The following PSKH1 variants were observed in gnomAD, a reference collection of about 807,000 sequenced individuals.
The protein encoded by PSKH1 is serine/threonine-protein kinase H1.
In PSKH1, 12 loss-of-function variants were observed where a neutral mutation model predicts 26.7. The ratio of observed to expected loss-of-function variants is 0.45; its 90% CI spans 0.29 to 0.73. PSKH1 has a LOEUF of 0.73. PSKH1 is among the 30% of genes least tolerant of loss of function. The pLI is 0.11. For missense variants in PSKH1, 431 were observed against 595.2 expected (o/e 0.72, Z 2.87); for synonymous variants, 213 against 234.3 (o/e 0.91, Z 0.83).
chr16:67,913,233 G>A (rs1020706481), intron 2 of PSKH1, among the ~76,000 whole-genome samples: 23 of 151,702 alleles, frequency 1.5e-4, no homozygotes, highest in African/African-American at 5.1e-4. Context: ...TGCAGCTTCC[G>A]CCTCTCAGGT....
At chr16:67,893,885 CTAGTCCCCCACACT>C (rs2058119070) in intron 1 of PSKH1, among the ~76,000 whole-genome samples, 1 of 152,190 alleles carries the variant, frequency 6.6e-6, no homozygotes, top group African/African-American at 2.4e-5. Flanking sequence ...AAGGGGAAGC[CTAGTCCCCCACACT>C]TAGTCCCCCT....
intron 2 of PSKH1, among the ~76,000 whole-genome samples, chr16:67,918,624 C>T (rs1322579926): frequency 6.9e-6 from 1 of 145,932 alleles, no homozygotes; most frequent in African/African-American, 2.5e-5. Flanking sequence ...TGGAGTCTTA[C>T]TCTGTCGCCC....
Position 67,893,391 on chromosome 16 carries a change from G to A in PSKH1, c.-71+20G>A, listed in dbSNP as rs1009289234. On this transcript the variant is annotated intron_variant, in intron 1 of 2. Transcript: ENST00000291041. ...CGCGAGGTGAGGCGGCCCGGCCCAG[G>A]ACGACGGCCCGACGGGCGGGAGGGG... The A allele has an allele frequency of 1.3e-5, 2 of 152,396 alleles. No individual in the cohort carries two copies. The highest frequency in any genetic ancestry group is 4.8e-5 in the African/African-American group (2 of 41,470). The allele number at this position is 152,396 out of a possible 1,614,324, so 9.4% of individuals were successfully genotyped here.
Position 67,904,161 on chromosome 16 carries a change from G to A in PSKH1, c.-70-4519G>A, listed in dbSNP as rs577786434. 3.6e-4 allele frequency among the ~76,000 whole-genome samples: 54 copies of A among 150,798 alleles called. 1 individual carries two copies. The highest frequency in any genetic ancestry group is 5.9e-4 in the East Asian group (3 of 5,104). ...CTCCAGATTAGCTGAGATTACAGGCGCCTGCCACAATGCCTGGCTAATTTT... is the reference window on the plus strand; with the variant it reads ...CTCCAGATTAGCTGAGATTACAGGCACCTGCCACAATGCCTGGCTAATTTT... On this transcript the variant is annotated intron_variant, in intron 1 of 2. Transcript: ENST00000291041.
intron 2 of PSKH1, among the ~76,000 whole-genome samples, chr16:67,914,476 ATG>A (rs2058181384): frequency 7.7e-6 from 1 of 129,328 alleles, no homozygotes; most frequent in Non-Finnish European, 1.6e-5. Flanking sequence ...TTTCTTTGAG[ATG>A]GAGTCTCGCT....
At chr16:67,925,233 G>A (rs934381113) in intron 2 of PSKH1, among the ~76,000 whole-genome samples, 5 of 149,290 alleles carry the variant, frequency 3.3e-5, no homozygotes, top group Non-Finnish European at 7.4e-5. Context: ...GTCTCGCTCT[G>A]TTGCCAGGCT....
chr16:67,920,277 G>C (rs1374185693), intron 2 of PSKH1, among the ~76,000 whole-genome samples: 1 of 152,142 alleles, frequency 6.6e-6, no homozygotes, highest in African/African-American at 2.4e-5. Flanking sequence ...TTTTTTAATA[G>C]AGACAAGGTC....
rs2058167746 is a variant in PSKH1, at chr16:67,909,688, G to C, written c.939G>C (p.Lys313Asn). Residue 313 changes from lysine to asparagine, a missense_variant, in exon 2 of 3, where the codon AAG becomes AAC. By Grantham distance (94) the Lys-to-Asn change is moderately conservative. Transcript: ENST00000291041. This position sits in a 1 kb window ranked among gnomAD's most constrained non-coding sequence, Gnocchi z 7.8. ...TRLYRQILRG[K>N]YSYSGEPWPS... ...TGTACCGGCAGATCCTCAGGGGCAAGTACAGTTACTCTGGGGAGGTGAGTC... is the reference window on the plus strand; with the variant it reads ...TGTACCGGCAGATCCTCAGGGGCAACTACAGTTACTCTGGGGAGGTGAGTC... 6.2e-7 allele frequency: 1 copy of C among 1,612,048 alleles called. No individual in the cohort carries two copies. The highest frequency in any genetic ancestry group is 1.3e-5 in the African/African-American group (1 of 75,052).
At chr16:67,920,958 C>T (rs190790815) in intron 2 of PSKH1, among the ~76,000 whole-genome samples, 99 of 151,416 alleles carry the variant, frequency 6.5e-4, no homozygotes, top group Admixed American at 3.6e-3. Context: ...TCCAAACTGC[C>T]TCAGAAATTA....
rs1169670571 is a variant in PSKH1, at chr16:67,924,386, C to T, written c.958-2939C>T. On this transcript the variant is annotated intron_variant, in intron 2 of 2. Transcript: ENST00000291041. Reference sequence around the variant, plus strand: ...CTTTGGCACTAACAGGCCGGCCGCTCCATGAGCAGCAGGGGTTGATGCCTG... The same window carrying T: ...CTTTGGCACTAACAGGCCGGCCGCTTCATGAGCAGCAGGGGTTGATGCCTG... Among the ~76,000 whole-genome samples the T allele has an allele frequency of 3.3e-5, 5 of 152,332 alleles. No homozygotes were observed. In the South Asian group the frequency reaches 1.0e-3, roughly 32 times the overall value.
At chr16:67,926,703 C>T (rs563321976) in intron 2 of PSKH1, among the ~76,000 whole-genome samples, 2 of 152,092 alleles carry the variant, frequency 1.3e-5, no homozygotes, top group African/African-American at 4.8e-5. Context: ...AGAAGTAATG[C>T]GGGCCAGAGG....
intron 2 of PSKH1, among the ~76,000 whole-genome samples, chr16:67,913,759 G>C (rs540489725): frequency 1.3e-5 from 2 of 152,316 alleles, no homozygotes; most frequent in East Asian, 3.9e-4. Flanking sequence ...TTAAAATGTA[G>C]ATTCTGATTT....
At chr16:67,924,937 A>G (rs2058211981) in intron 2 of PSKH1, among the ~76,000 whole-genome samples, 1 of 151,900 alleles carries the variant, frequency 6.6e-6, no homozygotes, top group South Asian at 2.1e-4. Context: ...TCAGGAGGCA[A>G]CCATGGAGCT....
intron 1 of PSKH1, among the ~76,000 whole-genome samples, chr16:67,901,354 C>T (rs552672440): frequency 2.6e-5 from 4 of 152,254 alleles, no homozygotes; most frequent in Admixed American, 6.5e-5. Context: ...CTTTAAGAGA[C>T]GGAGTTTCGC....
At chr16:67,920,414 A>G (rs1365632319) in intron 2 of PSKH1, among the ~76,000 whole-genome samples, 1 of 152,138 alleles carries the variant, frequency 6.6e-6, no homozygotes, top group African/African-American at 2.4e-5. Flanking sequence ...GGTGTGGGCC[A>G]CCACACCGGG....
At chr16:67,907,207 C>T (rs2058158637) in intron 1 of PSKH1, among the ~76,000 whole-genome samples, 1 of 151,838 alleles carries the variant, frequency 6.6e-6, no homozygotes, top group Non-Finnish European at 1.5e-5. Context: ...TTGTGATCCG[C>T]CCGCCTCGGT....
chr16:67,920,108 C>T (rs942305493), intron 2 of PSKH1, among the ~76,000 whole-genome samples: 3 of 152,142 alleles, frequency 2.0e-5, no homozygotes, highest in African/African-American at 4.8e-5. Flanking sequence ...ATCCCTGGTG[C>T]GTCAGCCATC....
chr16:67,909,713 C>CTG lies in PSKH1; in HGVS notation c.957+9_957+10dup. 1.2e-6 allele frequency: 2 copies of CTG among 1,606,420 alleles called. No individual in the cohort carries two copies. The highest frequency in any genetic ancestry group is 1.7e-6 in the Non-Finnish European group (2 of 1,178,392). On this transcript the variant is annotated splice_region_variant and intron_variant, in intron 2 of 2. Transcript: ENST00000291041. The surrounding 1 kb of genome is among the most constrained non-coding windows in gnomAD (Gnocchi z 7.8). The stretch of plus-strand genomic sequence containing the variant: ...GTACAGTTACTCTGGGGAGGTGAGT[C>CTG]TGTCCTGCCCCTGTCCTGGATGTTG...
chr16:67,922,284 GCT>G (rs1567401896), intron 2 of PSKH1, among the ~76,000 whole-genome samples: 1 of 152,210 alleles, frequency 6.6e-6, no homozygotes, highest in Non-Finnish European at 1.5e-5. Context: ...TAAACTCAAA[GCT>G]CTGTTTCCAG....
Sources: allele counts gnomAD v4.1 joint callset (sites outside exome capture counted in the v4.1 genomes callset), GRCh38; gene constraint gnomAD v4.1.1; non-coding constraint Gnocchi (gnomAD v3.1); transcripts MANE v1.5; gene names NCBI Gene and HGNC (gene_info 2026-07-23, HGNC 2026-07-21).